The following DRC9 variants were observed in gnomAD, a reference collection of about 807,000 sequenced individuals.
The protein encoded by DRC9 is dynein regulatory complex protein 9.
chr3:197,935,514 C>T, the DRC9 span, among the ~76,000 whole-genome samples: 2 of 151,936 alleles, frequency 1.3e-5, no homozygotes, highest in Non-Finnish European at 2.9e-5. Flanking sequence ...GACAGGGTCT[C>T]GCCCTGTCAC....
At chr3:197,929,791 AAAAAC>A in the DRC9 span, among the ~76,000 whole-genome samples, 3 of 151,974 alleles carry the variant, frequency 2.0e-5, no homozygotes, top group Non-Finnish European at 2.9e-5. The surrounding 1 kb of genome is among the most constrained non-coding windows in gnomAD (Gnocchi z 4.6). Context: ...ATGTAAATTA[AAAAAC>A]AAAACAAAAC....
the DRC9 span, among the ~76,000 whole-genome samples, chr3:197,920,968 A>G: frequency 6.6e-6 from 1 of 152,228 alleles, no homozygotes. Flanking sequence ...ACAGTTCCCT[A>G]ATGTGCATAT....
the DRC9 span, among the ~76,000 whole-genome samples, chr3:197,930,595 C>G: frequency 6.6e-6 from 1 of 151,784 alleles, no homozygotes; most frequent in Non-Finnish European, 1.5e-5. Flanking sequence ...AAACAATTAG[C>G]CAGGCATGGT....
the DRC9 span, chr3:197,938,986 C>A: frequency 1.2e-5 from 7 of 570,736 alleles, no homozygotes; most frequent in Non-Finnish European, 2.2e-5. Context: ...CATTCCCCAA[C>A]TTACCACCTG....
chr3:197,934,453 G>A, the DRC9 span, among the ~76,000 whole-genome samples: 4 of 152,104 alleles, frequency 2.6e-5, no homozygotes, highest in Admixed American at 2.6e-4. Context: ...CCAAAGTGCT[G>A]GGATTACAGG....
At chr3:197,916,827 C>T in the DRC9 span, among the ~76,000 whole-genome samples, 44 of 151,886 alleles carry the variant, frequency 2.9e-4, no homozygotes, top group East Asian at 7.5e-3. Flanking sequence ...TTCCCTGGGC[C>T]GCACTGGAAG....
At chr3:197,951,327 TGG>T in the DRC9 span, 2 of 1,613,668 alleles carry the variant, frequency 1.2e-6, no homozygotes, top group Non-Finnish European at 1.7e-6. Context: ...TTTATGACAC[TGG>T]TAGGTTTTGG....
chr3:197,895,185 G>T, the DRC9 span, among the ~76,000 whole-genome samples: 1 of 152,030 alleles, frequency 6.6e-6, no homozygotes, highest in Non-Finnish European at 1.5e-5. Context: ...AAACAAAGAG[G>T]GAACAGGCTC....
chr3:197,893,899 C>T, the DRC9 span, among the ~76,000 whole-genome samples: 1 of 151,996 alleles, frequency 6.6e-6, no homozygotes, highest in Admixed American at 6.6e-5. Context: ...AAAGATTCTA[C>T]ACATAGCCAA....
the DRC9 span, among the ~76,000 whole-genome samples, chr3:197,948,848 A>G: frequency 1.2e-4 from 18 of 152,172 alleles, no homozygotes; most frequent in African/African-American, 4.3e-4. Context: ...CCAGTACTCA[A>G]TATCCTCTGT....
At chr3:197,928,462 C>G in the DRC9 span, among the ~76,000 whole-genome samples, 1 of 151,838 alleles carries the variant, frequency 6.6e-6, no homozygotes, top group Admixed American at 6.6e-5. Flanking sequence ...GATTCTCCTG[C>G]CTCAGCTTCC....
At chr3:197,937,927 C>T in the DRC9 span, among the ~76,000 whole-genome samples, 2 of 151,850 alleles carry the variant, frequency 1.3e-5, no homozygotes, top group African/African-American at 4.8e-5. Context: ...ACAGAGTGAC[C>T]TCGTCTCTAA....
At chr3:197,948,665 G>T in the DRC9 span, among the ~76,000 whole-genome samples, 1 of 152,152 alleles carries the variant, frequency 6.6e-6, no homozygotes, top group South Asian at 2.1e-4. Context: ...GGGAACACTG[G>T]GTGGGGTAGT....
the DRC9 span, among the ~76,000 whole-genome samples, chr3:197,940,869 A>G: frequency 6.6e-6 from 1 of 152,196 alleles, no homozygotes; most frequent in South Asian, 2.1e-4. Flanking sequence ...TATTTACACT[A>G]CAGTAAAATC....
the DRC9 span, among the ~76,000 whole-genome samples, chr3:197,954,939 C>T: frequency 6.6e-6 from 1 of 152,182 alleles, no homozygotes; most frequent in Non-Finnish European, 1.5e-5. Flanking sequence ...CTTGTTAGAA[C>T]AGGTGTTAGT....
chr3:197,918,258 CT>C, the DRC9 span, among the ~76,000 whole-genome samples: 136 of 60,314 alleles, frequency 2.3e-3, no homozygotes, highest in Non-Finnish European at 3.3e-3. Flanking sequence ...TAATTTTTTG[CT>C]TTTTTTTTTT....
the DRC9 span, chr3:197,891,564 T>G: frequency 7.2e-7 from 1 of 1,383,638 alleles, no homozygotes; most frequent in South Asian, 1.2e-5. Context: ...AGATAGACAT[T>G]CATCATTTAT....
At chr3:197,950,649 C>G in the DRC9 span, 1 of 486,364 alleles carries the variant, frequency 2.1e-6, no homozygotes, top group East Asian at 3.6e-5. Context: ...GTGTTGCCTA[C>G]TGATAACGGC....
chr3:197,913,826 G>C, the DRC9 span: 6 of 1,546,366 alleles, frequency 3.9e-6, no homozygotes, highest in Non-Finnish European at 5.4e-6. Flanking sequence ...AGGGGATCAG[G>C]AGTGACAGCT....
Sources: gnomAD v4.1 joint callset for allele counts (sites outside exome capture counted in the v4.1 genomes callset) on GRCh38, gnomAD v4.1.1 for gene constraint, Gnocchi (gnomAD v3.1) non-coding constraint, MANE v1.5 for transcripts, NCBI Gene and HGNC (gene_info 2026-07-23, HGNC 2026-07-21) for gene names.